GREB1L: variants seen among roughly 807,000 people sequenced by gnomAD.
GREB1L encodes the protein GREB1 like retinoic acid receptor coactivator, also known as GREB1-like protein.
A neutral mutation model predicts 200.8 loss-of-function variants in GREB1L; 17 were observed. The observed-to-expected ratio is 0.08, with a 90% CI of 0.06 to 0.13. The LOEUF is 0.13. Among genes scored for constraint, GREB1L ranks in the 10% least tolerant of loss-of-function variants. The probability of loss-of-function intolerance (pLI) is 1.00; values close to 1 mark genes in which losing one functional copy is unlikely to be tolerated. For synonymous variants in GREB1L, 789 were observed against 893.0 expected (o/e 0.88, Z 2.08); for missense variants, 1,657 against 2,367.7 (o/e 0.70, Z 6.23).
At chr18:21,279,133 A>G (rs1332859403) in intron 1 of GREB1L, among the ~76,000 whole-genome samples, 1 of 152,184 alleles carries the variant, frequency 6.6e-6, no homozygotes, top group Non-Finnish European at 1.5e-5. Context: ...TTCCTTGTTT[A>G]AAGAAAAGAT....
At chr18:21,466,505 AATCACAAGAAT>A (rs2035267964) in intron 15 of GREB1L, among the ~76,000 whole-genome samples, 1 of 152,160 alleles carries the variant, frequency 6.6e-6, no homozygotes, top group African/African-American at 2.4e-5. Flanking sequence ...AGAAAATTTT[AATCACAAGAAT>A]ATCCAAAAAA....
intron 30 of GREB1L, 94 bp from the exon 31 acceptor site, chr18:21,517,940 A>C (rs2037476462): frequency 1.1e-6 from 1 of 929,378 alleles, no homozygotes. Flanking sequence ...TACTGCTATT[A>C]TTTGGCGACT....
intron 9 of GREB1L, among the ~76,000 whole-genome samples, 197 bp from the exon 10 acceptor site, chr18:21,441,203 A>C (rs935695276): frequency 6.6e-6 from 1 of 152,210 alleles, no homozygotes; most frequent in Non-Finnish European, 1.5e-5. Context: ...TTGTAGCCAC[A>C]TGTTATGATT....
chr18:21,434,927 C>G (rs1323400787), intron 7 of GREB1L: 1 of 152,520 alleles, frequency 6.6e-6, no homozygotes, highest in Non-Finnish European at 1.5e-5. Context: ...CTAATTTAAA[C>G]AAACTCTTTC....
intron 15 of GREB1L, among the ~76,000 whole-genome samples, chr18:21,471,620 C>CTTTTTTTTTT (rs77038675): frequency 1.4e-5 from 2 of 142,350 alleles, no homozygotes; most frequent in African/African-American, 2.9e-5. Context: ...TCTTTTGTTT[C>CTTTTTTTTTT]TTTTTTTTTT....
intron 11 of GREB1L, among the ~76,000 whole-genome samples, chr18:21,446,654 A>T (rs1300253932): frequency 2.0e-5 from 3 of 152,062 alleles, no homozygotes; most frequent in African/African-American, 4.8e-5. Context: ...TTATTTATTT[A>T]TTATTTATTT....
intron 16 of GREB1L, among the ~76,000 whole-genome samples, chr18:21,474,965 C>T (rs142605084): frequency 4.9e-4 from 74 of 152,204 alleles, no homozygotes; most frequent in African/African-American, 1.5e-3. Context: ...CATCTCCCAC[C>T]GGGTCCCTCC....
chr18:21,460,971 C>T (rs902307534), intron 15 of GREB1L, among the ~76,000 whole-genome samples: 1 of 151,782 alleles, frequency 6.6e-6, no homozygotes, highest in African/African-American at 2.4e-5. Flanking sequence ...GTGGCATGCA[C>T]CTGTAATCCC....
At chr18:21,445,020 T>C (rs2034130022) in intron 11 of GREB1L, among the ~76,000 whole-genome samples, 1 of 152,210 alleles carries the variant, frequency 6.6e-6, no homozygotes, top group Admixed American at 6.5e-5. Flanking sequence ...CTATCTGATA[T>C]ATTCTCCGAA....
intron 1 of GREB1L, among the ~76,000 whole-genome samples, chr18:21,323,666 C>T (rs1415953934): frequency 6.6e-6 from 1 of 152,022 alleles, no homozygotes; most frequent in Non-Finnish European, 1.5e-5. Context: ...GGCCAGAGTT[C>T]GAGGCTGTTG....
At chr18:21,375,374 G>GT in intron 2 of GREB1L, among the ~76,000 whole-genome samples, 1 of 152,134 alleles carries the variant, frequency 6.6e-6, no homozygotes, top group South Asian at 2.1e-4. Context: ...GATGTGAGGA[G>GT]TTTTTTATTA....
intron 1 of GREB1L, among the ~76,000 whole-genome samples, chr18:21,278,688 G>A (rs1215446318): frequency 6.6e-6 from 1 of 152,076 alleles, no homozygotes; most frequent in Non-Finnish European, 1.5e-5. Context: ...CACCAGTCAT[G>A]TGGTAGATGT....
intron 19 of GREB1L, among the ~76,000 whole-genome samples, chr18:21,493,024 GTATT>G (rs773187772): frequency 2.0e-5 from 3 of 152,164 alleles, no homozygotes; most frequent in Non-Finnish European, 4.4e-5. Context: ...TTTATACTCT[GTATT>G]TGTGTGGGAG....
chr18:21,471,755 G>C (rs2035493950), intron 15 of GREB1L, among the ~76,000 whole-genome samples: 1 of 151,984 alleles, frequency 6.6e-6, no homozygotes, highest in African/African-American at 2.4e-5. Context: ...TGAGTAGCTG[G>C]GACTACAGGC....
At chr18:21,492,968 TAAAC>T (rs1016992283) in intron 19 of GREB1L, among the ~76,000 whole-genome samples, 2 of 152,096 alleles carry the variant, frequency 1.3e-5, no homozygotes, top group African/African-American at 2.4e-5. Context: ...TATATAAAAA[TAAAC>T]AAGTCCCAAA....
chr18:21,460,912 C>G (rs2035016703), intron 15 of GREB1L, among the ~76,000 whole-genome samples: 1 of 151,710 alleles, frequency 6.6e-6, no homozygotes, highest in Non-Finnish European at 1.5e-5. Flanking sequence ...GCCGGGCCAA[C>G]ATAGTGAAAC....
rs1049574723 is a variant in GREB1L, at chr18:21,496,796, C to A, written c.3391+98C>A. ...AGGCATTTACTGACACCCCAACGGCCTTCAGAGGAGCCTTCAGGGACTGGC... is the reference window on the plus strand; with the variant it reads ...AGGCATTTACTGACACCCCAACGGCATTCAGAGGAGCCTTCAGGGACTGGC... On this transcript the variant is annotated intron_variant, in intron 21 of 32. Transcript: ENST00000424526. The A allele has an allele frequency of 5.8e-6, 8 of 1,371,736 alleles. No homozygotes were observed. The African/African-American group carries it at 1.2e-4, about 20-fold the overall frequency. The allele number at this position is 1,371,736 out of a possible 1,614,324, so 85.0% of individuals were successfully genotyped here.
intron 31 of GREB1L, among the ~76,000 whole-genome samples, chr18:21,518,720 A>C (rs2037510628): frequency 6.6e-6 from 1 of 152,232 alleles, no homozygotes; most frequent in Non-Finnish European, 1.5e-5. Flanking sequence ...ATAAATGTGT[A>C]TCACCTGAAG....
intron 7 of GREB1L, among the ~76,000 whole-genome samples, chr18:21,428,711 T>A (rs1258506053): frequency 9.1e-5 from 3 of 32,988 alleles, no homozygotes; most frequent in Non-Finnish European, 1.5e-4. Flanking sequence ...GGTTTATCTC[T>A]TTTTTTTTTT....
Sources: allele counts gnomAD v4.1 joint callset (sites outside exome capture counted in the v4.1 genomes callset), GRCh38; gene constraint gnomAD v4.1.1; transcripts MANE v1.5; gene names NCBI Gene and HGNC (gene_info 2026-07-23, HGNC 2026-07-21).